ADAMTS2: variants seen among roughly 807,000 people sequenced by gnomAD.
ADAMTS2 encodes the protein ADAM metallopeptidase with thrombospondin type 1 motif 2, also known as A disintegrin and metalloproteinase with thrombospondin motifs 2.
Under a neutral mutation model 123.0 loss-of-function variants are expected in ADAMTS2, and 50 were observed. The ratio of observed to expected loss-of-function variants is 0.41; its 90% CI spans 0.32 to 0.51. ADAMTS2 has a LOEUF of 0.51. ADAMTS2 is among the 20% of genes least tolerant of loss of function. The pLI is 0.35. For missense variants in ADAMTS2, 1,494 were observed against 1,705.2 expected (o/e 0.88, Z 2.18); for synonymous variants, 678 against 695.4 (o/e 0.98, Z 0.39).
In ADAMTS2 at chr5:179,133,869, AT is replaced by A. The variant is rs58394791; in HGVS notation, c.2086-970del. On this transcript the variant is annotated intron_variant, in intron 13 of 21. Coordinates refer to ENST00000251582, the MANE Select transcript of ADAMTS2 (RefSeq NM_014244.5). ...GAGTCGCTGCCTGTAGTCCCAGCTA[AT>A]TTTTTTTTTTTTTGTATTTTTAGTA... Among the ~76,000 whole-genome samples the A allele has an allele frequency of 4.9e-3, 714 of 144,896 alleles. 5 individuals are homozygous for A. Among genetic ancestry groups the A allele is most frequent in the African/African-American group, 0.012 (462 of 39,616 alleles).
rs1215606985 is a variant in ADAMTS2, at chr5:179,181,942, C to T, written c.892-787G>A. Among the ~76,000 whole-genome samples the T allele has an allele frequency of 1.3e-5, 2 of 152,300 alleles. No homozygotes were observed. Among genetic ancestry groups the T allele is most frequent in the East Asian group, 3.9e-4 (2 of 5,168 alleles). On this transcript the variant is annotated intron_variant, in intron 4 of 21. Transcript: ENST00000251582. The surrounding 1 kb of genome is among the most constrained non-coding windows in gnomAD (Gnocchi z 4.1). ...AGGTCAGGTTATCCCGGGCTCGAGG[C>T]TGTCAGGGGCTTCCTTCGCACTGAG...
intron 2 of ADAMTS2, among the ~76,000 whole-genome samples, chr5:179,311,465 G>A (rs1371526269): frequency 6.6e-6 from 1 of 152,226 alleles, no homozygotes; most frequent in Non-Finnish European, 1.5e-5. Context: ...GACCTGAACA[G>A]TGGACACTGA....
At chr5:179,221,430 G>A (rs1028719802) in intron 3 of ADAMTS2, among the ~76,000 whole-genome samples, 1 of 152,162 alleles carries the variant, frequency 6.6e-6, no homozygotes, top group Admixed American at 6.5e-5. Flanking sequence ...CACCCACCAT[G>A]ACCCTTGGGC....
chr5:179,206,528 C>G lies in ADAMTS2; in HGVS notation c.891+985G>C, dbSNP rs79308845. 5.4e-3 allele frequency among the ~76,000 whole-genome samples: 829 copies of G among 152,280 alleles called. 10 individuals carry two copies. Among genetic ancestry groups the G allele is most frequent in the African/African-American group, 0.019 (781 of 41,542 alleles). ...CCCGGCTTCCACACCACCTCCAGCCCTCCCTAAGCCCCGGCTTCCTCCCAC... is the reference window on the plus strand; with the variant it reads ...CCCGGCTTCCACACCACCTCCAGCCGTCCCTAAGCCCCGGCTTCCTCCCAC... On this transcript the variant is annotated intron_variant, in intron 4 of 21. Coordinates refer to ENST00000251582, the MANE Select transcript of ADAMTS2 (RefSeq NM_014244.5).
At chr5:179,321,769 A>G (rs1322109127) in intron 2 of ADAMTS2, among the ~76,000 whole-genome samples, 1 of 152,014 alleles carries the variant, frequency 6.6e-6, no homozygotes, top group Non-Finnish European at 1.5e-5. Flanking sequence ...AGCCCCAGTG[A>G]CAAACCCTCT....
intron 3 of ADAMTS2, among the ~76,000 whole-genome samples, chr5:179,243,582 G>A (rs1581215896): frequency 6.6e-6 from 1 of 152,132 alleles, no homozygotes; most frequent in East Asian, 1.9e-4. Flanking sequence ...ATGGGGGAGG[G>A]GAATCAGTAT....
At chr5:179,323,078 CCCTCA>C (rs1179148992) in intron 2 of ADAMTS2, among the ~76,000 whole-genome samples, 1 of 152,248 alleles carries the variant, frequency 6.6e-6, no homozygotes, top group African/African-American at 2.4e-5. Context: ...AACCAAGGAG[CCCTCA>C]CCTGTCTCAT....
At chr5:179,289,892 A>C (rs532778249) in intron 2 of ADAMTS2, among the ~76,000 whole-genome samples, 1 of 152,354 alleles carries the variant, frequency 6.6e-6, no homozygotes, top group East Asian at 1.9e-4. Context: ...TCTACAAAAC[A>C]GCTGACCAGT....
At position 179,129,702 on chromosome 5, in the gene ADAMTS2, A is replaced by C. The variant is rs1762925942; in HGVS notation, c.2457+230T>G. ...GTGAAACCGAAACCCTCAAAGGGAG[A>C]GTGTGCCCAAGGTCACCTAGGGGTC... On this transcript the variant is annotated intron_variant, in intron 16 of 21. Coordinates refer to ENST00000251582, the MANE Select transcript of ADAMTS2 (RefSeq NM_014244.5). The surrounding 1 kb of genome is among the most constrained non-coding windows in gnomAD (Gnocchi z 4.1). Among the ~76,000 whole-genome samples the C allele has an allele frequency of 1.3e-5, 2 of 152,174 alleles. No individual in the cohort carries two copies. Among genetic ancestry groups the C allele is most frequent in the Admixed American group, 6.5e-5 (1 of 15,282 alleles).
chr5:179,245,311 A>G (rs1581216883), intron 3 of ADAMTS2, among the ~76,000 whole-genome samples: 1 of 152,008 alleles, frequency 6.6e-6, no homozygotes, highest in African/African-American at 2.4e-5. Context: ...AAGGAACAAA[A>G]CCCTGCCAAA....
At chr5:179,238,158 C>T (rs951086709) in intron 3 of ADAMTS2, among the ~76,000 whole-genome samples, 1 of 152,210 alleles carries the variant, frequency 6.6e-6, no homozygotes, top group African/African-American at 2.4e-5. Flanking sequence ...CACAGATATT[C>T]CTCCTGAGCT....
Position 179,308,724 on chromosome 5 carries a change from G to C in ADAMTS2, c.534+35043C>G, listed in dbSNP as rs77880884. Among the ~76,000 whole-genome samples, 1,891 of 152,282 alleles carry C rather than the reference G, an allele frequency of 0.012. 43 individuals carry two copies. The highest frequency in any genetic ancestry group is 0.044 in the African/African-American group (1,811 of 41,564). On this transcript the variant is annotated intron_variant, in intron 2 of 21. Transcript: ENST00000251582. The surrounding 1 kb of genome is among the most constrained non-coding windows in gnomAD (Gnocchi z 6.6). Reference sequence around the variant, plus strand: ...GTCCCAGCAGATGAATCTGGCTGGCGTCCTGAGTGGAAGCAGGGCGCGGGC... The same window carrying C: ...GTCCCAGCAGATGAATCTGGCTGGCCTCCTGAGTGGAAGCAGGGCGCGGGC...
chr5:179,211,667 G>A (rs1764852381), intron 3 of ADAMTS2, among the ~76,000 whole-genome samples: 1 of 152,228 alleles, frequency 6.6e-6, no homozygotes, highest in Non-Finnish European at 1.5e-5. Context: ...AGGATGGAAT[G>A]AGGGGAGGCA....
intron 5 of ADAMTS2, among the ~76,000 whole-genome samples, chr5:179,176,011 C>T (rs1763923173): frequency 6.6e-6 from 1 of 152,132 alleles, no homozygotes; most frequent in Admixed American, 6.5e-5. Flanking sequence ...ATTTCACCCC[C>T]AGGAATGCCC....
At chr5:179,222,660 CA>C (rs1374504860) in intron 3 of ADAMTS2, among the ~76,000 whole-genome samples, 3 of 152,250 alleles carry the variant, frequency 2.0e-5, no homozygotes, top group African/African-American at 7.2e-5. Flanking sequence ...TTCCAGGTAG[CA>C]GCCAGCGGCA....
intron 2 of ADAMTS2, among the ~76,000 whole-genome samples, chr5:179,316,613 G>C (rs1001329506): frequency 6.6e-6 from 1 of 152,210 alleles, no homozygotes; most frequent in African/African-American, 2.4e-5. Flanking sequence ...AGTCCAGCAA[G>C]GCCCAGGGCA....
intron 2 of ADAMTS2, among the ~76,000 whole-genome samples, chr5:179,326,268 ATTGGCGGGAAGAGCTAGAGGACCC>A (rs1283557536): frequency 1.4e-5 from 2 of 147,054 alleles, no homozygotes; most frequent in Non-Finnish European, 3.0e-5. Flanking sequence ...GGAATGCTGT[ATTGGCGGGAAGAGCTAGAGGACCC>A]TTGGCCTCAG....
In ADAMTS2 at chr5:179,207,510, C is replaced by G. The variant is rs1380031249; in HGVS notation, c.891+3G>C. 1 of 1,506,306 alleles carries G rather than the reference C, an allele frequency of 6.6e-7. No individual in the cohort carries two copies. The highest frequency in any genetic ancestry group is 9.1e-7 in the Non-Finnish European group (1 of 1,098,638). The allele number at this position is 1,506,306 out of a possible 1,614,324, so 93.3% of individuals were successfully genotyped here. ...ACCCTGCCCCCTCAGCCACCCCACT[C>G]ACAATGTTCATGAGTGTCAGCAGGT... On this transcript the variant is annotated splice_donor_region_variant and intron_variant, in intron 4 of 21. Transcript: ENST00000251582.
At chr5:179,159,836 G>A (rs1763561844) in intron 5 of ADAMTS2, among the ~76,000 whole-genome samples, 1 of 152,180 alleles carries the variant, frequency 6.6e-6, no homozygotes, top group East Asian at 1.9e-4. Context: ...TCAACTCACT[G>A]CCCTAAACTT....
Sources: gnomAD v4.1 joint callset for allele counts (sites outside exome capture counted in the v4.1 genomes callset) on GRCh38, gnomAD v4.1.1 for gene constraint, Gnocchi (gnomAD v3.1) non-coding constraint, MANE v1.5 for transcripts, NCBI Gene and HGNC (gene_info 2026-07-23, HGNC 2026-07-21) for gene names.